The following CNTLN variants were observed in gnomAD, a reference collection of about 807,000 sequenced individuals.
CNTLN encodes the protein centlein, also known as centlein, centrosomal protein.
In CNTLN, 212 loss-of-function variants were observed where a neutral mutation model predicts 180.0. The ratio of observed to expected loss-of-function variants is 1.18; its 90% confidence interval spans 1.05 to 1.32. CNTLN has a LOEUF of 1.32. Among genes scored for constraint, CNTLN ranks in the 40% most tolerant of loss-of-function variants. The pLI is 0.00. For synonymous variants in CNTLN, 722 were observed against 563.1 expected (o/e 1.28, Z -3.99); for missense variants, 2,095 against 1,610.9 (o/e 1.30, Z -5.14).
intron 6 of CNTLN, among the ~76,000 whole-genome samples, chr9:17,276,337 G>T (rs1828309866): frequency 6.6e-6 from 1 of 151,994 alleles, no homozygotes. Flanking sequence ...ATTTCACTGG[G>T]AGAGGGTGGT....
chr9:17,462,251 A>T (rs1161204712), intron 19 of CNTLN, among the ~76,000 whole-genome samples: 1 of 151,728 alleles, frequency 6.6e-6, no homozygotes, highest in Admixed American at 6.6e-5. Context: ...GGAAGATACA[A>T]AATAGCCTCA....
intron 13 of CNTLN, among the ~76,000 whole-genome samples, chr9:17,377,187 TAA>T (rs1221033498): frequency 6.6e-6 from 1 of 152,236 alleles, no homozygotes; most frequent in Non-Finnish European, 1.5e-5. Context: ...ATCACATTTT[TAA>T]AAGCCATGGC....
intron 21 of CNTLN, among the ~76,000 whole-genome samples, chr9:17,464,986 A>G (rs796487912): frequency 1.3e-5 from 2 of 151,238 alleles, no homozygotes; most frequent in Non-Finnish European, 3.0e-5. Flanking sequence ...ACCTATAACT[A>G]TCAGAAGTTC....
At chr9:17,295,840 C>T (rs1343338395) in intron 6 of CNTLN, among the ~76,000 whole-genome samples, 5 of 151,962 alleles carry the variant, frequency 3.3e-5, no homozygotes, top group Non-Finnish European at 4.4e-5. Flanking sequence ...TAAGAGTATC[C>T]TTCAATTCCA....
At chr9:17,411,864 T>C (rs1827870267) in intron 16 of CNTLN, among the ~76,000 whole-genome samples, 1 of 152,104 alleles carries the variant, frequency 6.6e-6, no homozygotes, top group Non-Finnish European at 1.5e-5. Context: ...TAAGAACCGG[T>C]GACTCCCTCC....
intron 2 of CNTLN, among the ~76,000 whole-genome samples, chr9:17,158,896 C>T (rs1819483826): frequency 6.6e-6 from 1 of 151,790 alleles, no homozygotes; most frequent in Non-Finnish European, 1.5e-5. Context: ...TTATTTCCTT[C>T]ATTCTGCTTG....
intron 2 of CNTLN, among the ~76,000 whole-genome samples, chr9:17,150,232 A>G (rs1365780612): frequency 6.6e-6 from 1 of 152,218 alleles, no homozygotes; most frequent in African/African-American, 2.4e-5. Context: ...GCCCATGCAT[A>G]TGTCCTGAAT....
chr9:17,274,017 C>A, intron 6 of CNTLN, 151 bp downstream of exon 6: 1 of 624,040 alleles, frequency 1.6e-6, no homozygotes. Context: ...GAGTTATTTA[C>A]ACTAACTTGA....
chr9:17,296,367 C>T (rs1817936550), intron 6 of CNTLN, among the ~76,000 whole-genome samples: 1 of 152,030 alleles, frequency 6.6e-6, no homozygotes, highest in East Asian at 1.9e-4. Context: ...GTACGTTGTC[C>T]TTAAATGCAG....
intron 18 of CNTLN, among the ~76,000 whole-genome samples, chr9:17,417,268 G>T (rs1281791834): frequency 2.0e-5 from 3 of 152,164 alleles, no homozygotes; most frequent in Admixed American, 6.5e-5. Flanking sequence ...TTACTGGCTA[G>T]AATTTTCTTT....
chr9:17,348,079 C>T (rs998851298), intron 12 of CNTLN, among the ~76,000 whole-genome samples: 1 of 152,112 alleles, frequency 6.6e-6, no homozygotes, highest in African/African-American at 2.4e-5. Flanking sequence ...GATCTGTCTG[C>T]CTCCACCTCC....
chr9:17,418,601 C>G (rs2133903553), intron 18 of CNTLN, among the ~76,000 whole-genome samples: 1 of 152,006 alleles, frequency 6.6e-6, no homozygotes, highest in Admixed American at 6.5e-5. Flanking sequence ...CTTTTCCTGC[C>G]TATTTATGGT....
At chr9:17,451,772 C>G (rs1830791310) in intron 18 of CNTLN, among the ~76,000 whole-genome samples, 2 of 152,148 alleles carry the variant, frequency 1.3e-5, no homozygotes, top group Non-Finnish European at 2.9e-5. Flanking sequence ...AATTTTGTGT[C>G]TTTATGTTTC....
At position 17,428,281 on chromosome 9, in the gene CNTLN, G is replaced by C. The variant is rs138820070; in HGVS notation, c.3114+12092G>C. Reference sequence around the variant, plus strand: ...AATAAATATTAATGGGGAAAAGTTAGTCCAGACAGATTATGATAATAATAA... The same window carrying C: ...AATAAATATTAATGGGGAAAAGTTACTCCAGACAGATTATGATAATAATAA... On this transcript the variant is annotated intron_variant, in intron 18 of 25. Transcript: ENST00000380647. Among the ~76,000 whole-genome samples the C allele has an allele frequency of 2.4e-3, 359 of 151,766 alleles. 1 individual carries two copies. Among genetic ancestry groups the C allele is most frequent in the African/African-American group, 8.3e-3 (343 of 41,392 alleles).
chr9:17,347,357 A>C (rs955331415), intron 12 of CNTLN, among the ~76,000 whole-genome samples: 1 of 152,170 alleles, frequency 6.6e-6, no homozygotes, highest in Non-Finnish European at 1.5e-5. Context: ...AATCCATCAT[A>C]AGTTGAAAAT....
At chr9:17,452,288 G>T (rs922628756) in intron 18 of CNTLN, among the ~76,000 whole-genome samples, 23 of 152,134 alleles carry the variant, frequency 1.5e-4, no homozygotes, top group African/African-American at 5.6e-4. Context: ...AGGTCTCCCT[G>T]ATGGAGAAGG....
intron 12 of CNTLN, among the ~76,000 whole-genome samples, chr9:17,349,874 G>T (rs1564017663): frequency 6.6e-6 from 1 of 152,114 alleles, no homozygotes; most frequent in Non-Finnish European, 1.5e-5. Context: ...ACCAGGGGCT[G>T]AACATACAGT....
rs571081919 is a variant in CNTLN, at chr9:17,178,422, C to T, written c.449+35046C>T. On this transcript the variant is annotated intron_variant, in intron 2 of 25. Transcript: ENST00000380647. ...CGTGCCCTGTGCCCGCACTCCTCAG[C>T]CCTTGGGCGGTAGATGGGACTGGGC... is the stretch of plus-strand genomic sequence containing the variant. Among the ~76,000 whole-genome samples, 13 of 152,322 alleles carry T rather than the reference C, an allele frequency of 8.5e-5. 1 individual carries two copies. In the South Asian group the frequency reaches 2.7e-3, roughly 32 times the overall value.
At chr9:17,161,874 A>G (rs1276699790) in intron 2 of CNTLN, among the ~76,000 whole-genome samples, 1 of 152,104 alleles carries the variant, frequency 6.6e-6, no homozygotes, top group Non-Finnish European at 1.5e-5. Flanking sequence ...GAGTTGAGCT[A>G]TTAATCTGTT....
Sources: allele counts gnomAD v4.1 joint callset (sites outside exome capture counted in the v4.1 genomes callset), GRCh38; gene constraint gnomAD v4.1.1; transcripts MANE v1.5; gene names NCBI Gene and HGNC (gene_info 2026-07-23, HGNC 2026-07-21).